The following TUBGCP3 variants were observed in gnomAD, a reference collection of about 807,000 sequenced individuals.
TUBGCP3 encodes the protein tubulin gamma complex component 3.
A neutral mutation model predicts 123.1 loss-of-function variants in TUBGCP3; 50 were observed. The observed-to-expected ratio is 0.41, with a 90% confidence interval of 0.32 to 0.51. TUBGCP3 has a LOEUF of 0.51. Ranked by LOEUF, TUBGCP3 falls within the 20% of genes least tolerant of loss-of-function variation. The pLI is 0.36. For synonymous variants in TUBGCP3, 405 were observed against 413.9 expected (o/e 0.98, Z 0.26); for missense variants, 882 against 1,127.0 (o/e 0.78, Z 3.11).
At chr13:112,489,375 C>A (rs1476910880) in intron 21 of TUBGCP3, among the ~76,000 whole-genome samples, 2 of 152,274 alleles carry the variant, frequency 1.3e-5, no homozygotes, top group African/African-American at 4.8e-5. Flanking sequence ...AGGGTTCTCA[C>A]TGATGGCACA....
intron 14 of TUBGCP3, 141 bp downstream of exon 14, chr13:112,522,179 A>T: frequency 1.1e-6 from 1 of 895,426 alleles, no homozygotes; most frequent in Non-Finnish European, 1.6e-6. Flanking sequence ...AAAATTTTAC[A>T]TTCTTTTCAG....
chr13:112,516,974 C>G (rs1447906195), intron 16 of TUBGCP3, among the ~76,000 whole-genome samples: 3 of 152,100 alleles, frequency 2.0e-5, no homozygotes, highest in African/African-American at 7.2e-5. Context: ...TGAAAAGAAT[C>G]CTTCAGGTTA....
At chr13:112,590,631 T>G (rs550819579), upstream of TUBGCP3, among the ~76,000 whole-genome samples, 6 of 152,228 alleles carry the variant, frequency 3.9e-5, no homozygotes, top group Admixed American at 2.0e-4. Flanking sequence ...TAGAGAAAAT[T>G]ATTCCGATTT....
intron 19 of TUBGCP3, among the ~76,000 whole-genome samples, chr13:112,501,674 A>AT (rs994065797): frequency 7.4e-4 from 113 of 151,700 alleles, no homozygotes; most frequent in African/African-American, 2.5e-3. Context: ...GGGTTTATTT[A>AT]TTTTTTTTTA....
chr13:112,568,370 C>T (rs1178062768), intron 2 of TUBGCP3, among the ~76,000 whole-genome samples: 2 of 84,696 alleles, frequency 2.4e-5, no homozygotes, highest in African/African-American at 9.3e-5. Flanking sequence ...GCTTCTAGAA[C>T]GTGTTATTAC....
chr13:112,528,992 C>T (rs1014319456), intron 11 of TUBGCP3, among the ~76,000 whole-genome samples: 1 of 152,206 alleles, frequency 6.6e-6, no homozygotes, highest in African/African-American at 2.4e-5. Flanking sequence ...ACTGGGACCA[C>T]AGGAGCACAC....
intron 10 of TUBGCP3, chr13:112,546,805 C>G (rs1879036312): frequency 6.6e-6 from 1 of 152,168 alleles, no homozygotes; most frequent in African/African-American, 2.4e-5. Context: ...CCACTTCTCT[C>G]TTTTTTGAGG....
At chr13:112,553,704 C>T (rs776261324) in intron 8 of TUBGCP3, among the ~76,000 whole-genome samples, 76 of 152,318 alleles carry the variant, frequency 5.0e-4, no homozygotes, top group Non-Finnish European at 9.6e-4. Context: ...TGGCAGGCCC[C>T]GTCCCAGCAG....
At chr13:112,504,290 C>G in intron 18 of TUBGCP3, 127 bp from the exon 19 acceptor site, 1 of 1,199,762 alleles carries the variant, frequency 8.3e-7, no homozygotes, top group Non-Finnish European at 1.2e-6. Context: ...GAGTTAGAAA[C>G]CAGCCTGGCC....
intron 17 of TUBGCP3, 38 bp from the exon 18 acceptor site, chr13:112,504,752 G>C (rs1452556712): frequency 1.3e-6 from 2 of 1,537,702 alleles, no homozygotes; most frequent in South Asian, 2.3e-5. Context: ...TGCAATGCAA[G>C]TACACTTACC....
intron 20 of TUBGCP3, among the ~76,000 whole-genome samples, chr13:112,490,226 T>C (rs933898518): frequency 1.1e-4 from 16 of 152,244 alleles, no homozygotes; most frequent in African/African-American, 3.9e-4. Context: ...TGATTAAATG[T>C]CTTCTCAGAT....
At chr13:112,501,674 AT>A (rs994065797) in intron 19 of TUBGCP3, among the ~76,000 whole-genome samples, 4 of 151,698 alleles carry the variant, frequency 2.6e-5, no homozygotes, top group East Asian at 1.9e-4. Context: ...GGGTTTATTT[AT>A]TTTTTTTTAA....
intron 17 of TUBGCP3, among the ~76,000 whole-genome samples, chr13:112,514,910 T>C (rs958598608): frequency 3.3e-5 from 5 of 152,154 alleles, no homozygotes; most frequent in Admixed American, 3.3e-4. Context: ...CAAAGAGAAA[T>C]GATGAAATCA....
intron 17 of TUBGCP3, among the ~76,000 whole-genome samples, chr13:112,505,117 G>A (rs958364277): frequency 1.3e-5 from 2 of 152,138 alleles, no homozygotes; most frequent in African/African-American, 4.8e-5. Context: ...TGGAGATAAA[G>A]GTGACATTTC....
chr13:112,519,293 C>A lies in TUBGCP3; in HGVS notation c.1882-250G>T, dbSNP rs1310794655. Among the ~76,000 whole-genome samples, 1 of 152,166 alleles carries A rather than the reference C, an allele frequency of 6.6e-6. No homozygotes were observed. Among genetic ancestry groups the A allele is most frequent in the Non-Finnish European group, 1.5e-5 (1 of 68,028 alleles). ...ATATTGTGACTATGCGTTTAAAATT[C>A]ATCACCATTTGCTTACGACGAAAAC... is the stretch of plus-strand genomic sequence containing the variant. On this transcript the variant is annotated intron_variant, in intron 15 of 21. Coordinates refer to ENST00000261965, the MANE Select transcript of TUBGCP3 (RefSeq NM_006322.6). The surrounding 1 kb of genome is among the most constrained non-coding windows in gnomAD (Gnocchi z 6.2).
At chr13:112,547,493 G>A (rs1390363851) in intron 10 of TUBGCP3, 127 bp downstream of exon 10, 11 of 1,325,510 alleles carry the variant, frequency 8.3e-6, no homozygotes, top group Admixed American at 7.1e-5. Flanking sequence ...GAAACAAAGC[G>A]AGTGCCAGAC....
At chr13:112,602,697 G>T in the TUBGCP3 span, 1 of 152,158 alleles carries the variant, frequency 6.6e-6, no homozygotes. Context: ...GACCAACCAT[G>T]CACTGCCACT....
chr13:112,492,397 A>T (rs752554826), intron 20 of TUBGCP3, among the ~76,000 whole-genome samples: 13 of 152,258 alleles, frequency 8.5e-5, no homozygotes, highest in African/African-American at 1.7e-4. Flanking sequence ...TAACACATAT[A>T]AAAAAGTATA....
intron 10 of TUBGCP3, chr13:112,547,199 A>C (rs1003157149): frequency 2.6e-6 from 1 of 379,512 alleles, no homozygotes; most frequent in Admixed American, 4.5e-5. Context: ...AAAAAGCAAA[A>C]TGCAAGGAAA....
Sources: allele counts gnomAD v4.1 joint callset (sites outside exome capture counted in the v4.1 genomes callset), GRCh38; gene constraint gnomAD v4.1.1; non-coding constraint Gnocchi (gnomAD v3.1); transcripts MANE v1.5; gene names NCBI Gene and HGNC (gene_info 2026-07-23, HGNC 2026-07-21).